SLC16A4: variants seen among roughly 807,000 people sequenced by gnomAD.
The protein encoded by SLC16A4 is solute carrier family 16 member 4, also known as probable monocarboxylate transporter 5.
Under a neutral mutation model 47.9 loss-of-function variants are expected in SLC16A4, and 39 were observed. The ratio of observed to expected loss-of-function variants is 0.81; its 90% CI spans 0.63 to 1.06. The LOEUF (loss-of-function observed/expected upper bound fraction) is 1.06, where lower values mean the gene tolerates loss of function less well. Ranked by LOEUF, SLC16A4 falls within the 50% of genes least tolerant of loss-of-function variation. The pLI, the probability that SLC16A4 is intolerant of heterozygous loss-of-function variation, is 0.00. For missense variants in SLC16A4, 524 were observed against 573.8 expected, an observed-to-expected ratio of 0.91 and a Z score of 0.89; for synonymous variants, 189 against 199.9, an observed-to-expected ratio of 0.95 and a Z score of 0.46.
At chr1:110,377,602 T>C (rs1662078904) in intron 6 of SLC16A4, among the ~76,000 whole-genome samples, 1 of 152,180 alleles carries the variant, frequency 6.6e-6, no homozygotes, top group Non-Finnish European at 1.5e-5. Context: ...ATAAGTCTTC[T>C]GTTAAAAAAG....
rs1051345982 is a variant in SLC16A4 at position 110,362,929 on chromosome 1, A to G, written c.*837T>C. 6.6e-6 allele frequency: 1 copy of G among 152,182 alleles called. No homozygotes were observed. Among genetic ancestry groups the G allele is most frequent in the African/African-American group, 2.4e-5 (1 of 41,424 alleles). The allele number at this position is 152,182 out of a possible 1,614,324, so 9.4% of individuals were successfully genotyped here. A position where few individuals can be genotyped will look rare whatever the true frequency, so the allele number is the denominator to read the frequency against. ...AAATTTAAGAACCTAAGTAATACAA[A>G]GAAAGTAAGGATTACCTTTAATTAA... On this transcript the variant is annotated 3_prime_UTR_variant, in exon 9 of 9. Transcript: ENST00000369779.
chr1:110,364,289 C>T (rs1056638603), intron 8 of SLC16A4, among the ~76,000 whole-genome samples: 6 of 151,892 alleles, frequency 4.0e-5, no homozygotes, highest in Non-Finnish European at 7.4e-5. Context: ...GTTAATATTG[C>T]TAGGTGTTGA....
chr1:110,368,084 TC>T (rs1222396221), intron 8 of SLC16A4, among the ~76,000 whole-genome samples: 1 of 152,228 alleles, frequency 6.6e-6, no homozygotes, highest in African/African-American at 2.4e-5. Context: ...CGCCTCGGCC[TC>T]CCAAAGTGCT....
At position 110,376,958 on chromosome 1, in the gene SLC16A4, G is replaced by A. The variant is rs1305308522; in HGVS notation, c.1234C>T (p.Pro412Ser). 1.9e-6 allele frequency: 3 copies of A among 1,613,232 alleles called. No individual in the cohort carries two copies. Among genetic ancestry groups the A allele is most frequent in the Non-Finnish European group, 2.5e-6 (3 of 1,179,472 alleles). ...FAGGYLALIL[P>S]VLVDLCRNST... ...TGAGTGTGTCTACTCACCAGTACAG[G>A]CAGTATCAATGCCAGGTAACCACCA... The change falls in exon 7 of 9, where the codon CCT becomes TCT. Residue 412 changes from proline to serine, a missense_variant. Transcript: ENST00000369779.
In SLC16A4 at chr1:110,363,672, A is replaced by AGATGC; in HGVS notation, c.*89_*93dup. Reference sequence around the variant, plus strand: ...GTTTTCCTTCTCATGTTACAAATGTAGATGCGATGTGTTTCTTTCAAGCTT... The same window carrying AGATGC: ...GTTTTCCTTCTCATGTTACAAATGTAGATGCGATGCGATGTGTTTCTTTCAAGCTT... On this transcript the variant is annotated 3_prime_UTR_variant, in exon 9 of 9. Transcript: ENST00000369779. The AGATGC allele has an allele frequency of 9.3e-7, 1 of 1,079,388 alleles. No individual in the cohort carries two copies. Among genetic ancestry groups the AGATGC allele is most frequent in the Non-Finnish European group, 1.3e-6 (1 of 770,680 alleles). The allele number at this position is 1,079,388 out of a possible 1,614,324, so 66.9% of individuals were successfully genotyped here.
chr1:110,376,567 G>A (rs144963911), intron 7 of SLC16A4, among the ~76,000 whole-genome samples: 6 of 152,236 alleles, frequency 3.9e-5, no homozygotes, highest in African/African-American at 1.2e-4. Flanking sequence ...CACACTGGTC[G>A]GGAAATCCTT....
At chr1:110,367,150 A>G (rs547494461) in intron 8 of SLC16A4, among the ~76,000 whole-genome samples, 1 of 152,370 alleles carries the variant, frequency 6.6e-6, no homozygotes, top group South Asian at 2.1e-4. Flanking sequence ...GTTGCTATTG[A>G]AACATCTACT....
intron 6 of SLC16A4, among the ~76,000 whole-genome samples, chr1:110,377,852 C>T (rs116289854): frequency 0.011 from 1,706 of 151,982 alleles, 15 homozygotes; most frequent in Non-Finnish European, 0.017. Flanking sequence ...TTTTTTGAAA[C>T]GGAGTCACGC....
intron 8 of SLC16A4, among the ~76,000 whole-genome samples, chr1:110,366,303 G>A (rs1021880328): frequency 6.6e-6 from 1 of 151,918 alleles, no homozygotes; most frequent in African/African-American, 2.4e-5. Context: ...GATTATAGGT[G>A]CCTACCACCA....
At chr1:110,386,855 C>T (rs567696615) in intron 2 of SLC16A4, among the ~76,000 whole-genome samples, 1 of 152,326 alleles carries the variant, frequency 6.6e-6, no homozygotes, top group East Asian at 1.9e-4. Context: ...AGTTCACTAA[C>T]TTTGGCCCCC....
At position 110,379,192 on chromosome 1, in the gene SLC16A4, C is replaced by T. The variant is rs1293152698; in HGVS notation, c.691G>A (p.Glu231Lys). The change falls in exon 6 of 9, where the codon GAG (glutamate) becomes AAG (lysine). Residue 231 changes from glutamate (E) to lysine (K), a missense_variant. Glu to Lys is a moderately conservative substitution (Grantham distance 56). Coordinates refer to ENST00000369779, the MANE Select transcript of SLC16A4 (RefSeq NM_004696.3). Reference sequence around the variant, plus strand: ...TCCTTGATGGTAGACTCTTCTGTCTCATGGCAGTGTGTTTCTGTTGCATGT... The same window carrying T: ...TCCTTGATGGTAGACTCTTCTGTCTTATGGCAGTGTGTTTCTGTTGCATGT... ...EAHATETHCH[E>K]TEESTIKDST... The T allele has an allele frequency of 1.2e-6, 2 of 1,614,236 alleles. No individual in the cohort carries two copies. Among genetic ancestry groups the T allele is most frequent in the Non-Finnish European group, 1.7e-6 (2 of 1,180,038 alleles).
At position 110,377,058 on chromosome 1, in the gene SLC16A4, G is replaced by C. The variant is rs1662046838; in HGVS notation, c.1134C>G (p.Ile378Met). Residue 378 changes from isoleucine to methionine, a missense_variant, in exon 7 of 9, where the codon ATC (isoleucine) becomes ATG (methionine). By Grantham distance (10) the Ile-to-Met change is conservative. Coordinates refer to ENST00000369779, the MANE Select transcript of SLC16A4 (RefSeq NM_004696.3). ...TGGCTAAAGGAGCAAGCAGGTTAGTGATGCCGCAGAGGATGAGGTAAGACT... is the reference window on the plus strand; with the variant it reads ...TGGCTAAAGGAGCAAGCAGGTTAGTCATGCCGCAGAGGATGAGGTAAGACT... ...YHKSYLILCG[I>M]TNLLAPLATT... is the part of the protein sequence containing the mutation. 1 of 1,614,134 alleles carries C rather than the reference G, an allele frequency of 6.2e-7. No individual in the cohort carries two copies. The highest frequency in any genetic ancestry group is 8.5e-7 in the Non-Finnish European group (1 of 1,179,998).
chr1:110,363,873 G>A lies in SLC16A4; in HGVS notation c.1357C>T (p.Gln453Ter), dbSNP rs781280979. The change falls in exon 9 of 9, where the codon CAG (glutamine) becomes TAG (stop). Residue 453 changes from glutamine (Q) to a stop codon, truncating the protein, a stop_gained. Transcript: ENST00000369779. LOFTEE classifies it high-confidence loss of function. ...PIAGWLYDYT[Q>*]TYNGSFYFSG... The stretch of plus-strand genomic sequence containing the variant: ...AAGTAGAAAGAGCCATTGTATGTCT[G>A]GGTATAATCATATAACCAGCCTGGA... 2 of 1,611,010 alleles carry A rather than the reference G, an allele frequency of 1.2e-6. No individual in the cohort carries two copies. The highest frequency in any genetic ancestry group is 2.2e-5 in the East Asian group (1 of 44,802).
chr1:110,383,805 G>GGTTTTTTT (rs1557913543), intron 2 of SLC16A4, among the ~76,000 whole-genome samples: 3 of 65,740 alleles, frequency 4.6e-5, no homozygotes, highest in East Asian at 1.1e-3. Context: ...TTAAAAGGAG[G>GGTTTTTTT]TTTTTTTTTT....
At chr1:110,372,787 C>G (rs148032692) in intron 8 of SLC16A4, 163 of 152,214 alleles carry the variant, frequency 1.1e-3, no homozygotes, top group African/African-American at 3.9e-3. Context: ...GTATGGCTGC[C>G]TAAGTAATAG....
intron 8 of SLC16A4, among the ~76,000 whole-genome samples, chr1:110,367,709 A>G (rs1661465318): frequency 6.6e-6 from 1 of 151,862 alleles, no homozygotes; most frequent in South Asian, 2.1e-4. Flanking sequence ...AATTTAAAAT[A>G]TATATATATA....
At position 110,373,827 on chromosome 1, in the gene SLC16A4, A is replaced by G. The variant is rs1189848852; in HGVS notation, c.1336+1631T>C. On this transcript the variant is annotated intron_variant, in intron 8 of 8. Transcript: ENST00000369779. Reference sequence around the variant, plus strand: ...GTAGCTGGGACTACAGGTATGCACCATCACACCTGGCTGATTTTTAAAATT... The same window carrying G: ...GTAGCTGGGACTACAGGTATGCACCGTCACACCTGGCTGATTTTTAAAATT... 4.7e-5 allele frequency among the ~76,000 whole-genome samples: 7 copies of G among 150,534 alleles called. No homozygotes were observed. In the Admixed American group the frequency reaches 4.7e-4, roughly 10 times the overall value.
rs748150479 is a variant in SLC16A4, at chr1:110,381,719, A to G, written c.297T>C (p.Gly99=). ...TSILGAFVVT[G]GYLISSWATS... is the part of the protein sequence containing the mutation. ...TGGCCCAGCTGCTGATCAGATATCC[A>G]CCAGTAACAACGAAAGCCCCAAGAA... The change falls in exon 4 of 9, where the codon GGT becomes GGC. Residue 99 remains glycine, a synonymous_variant. Coordinates refer to ENST00000369779, the MANE Select transcript of SLC16A4 (RefSeq NM_004696.3). 35 of 1,613,740 alleles carry G rather than the reference A, an allele frequency of 2.2e-5. No individual in the cohort carries two copies. Among genetic ancestry groups the G allele is most frequent in the Non-Finnish European group, 2.5e-5 (30 of 1,179,920 alleles).
chr1:110,384,817 C>A (rs1387025703), intron 2 of SLC16A4, among the ~76,000 whole-genome samples: 1 of 152,122 alleles, frequency 6.6e-6, no homozygotes, highest in African/African-American at 2.4e-5. Flanking sequence ...TCAAGACCAG[C>A]CTGGGCAACA....
Sources: allele counts gnomAD v4.1 joint callset (sites outside exome capture counted in the v4.1 genomes callset), GRCh38; gene constraint gnomAD v4.1.1; transcripts MANE v1.5; gene names NCBI Gene and HGNC (gene_info 2026-07-23, HGNC 2026-07-21).